TNS3: variants seen among roughly 807,000 people sequenced by gnomAD.
The protein encoded by TNS3 is tensin-3.
Under a neutral mutation model 140.9 loss-of-function variants are expected in TNS3, and 45 were observed. The ratio of observed to expected loss-of-function variants is 0.32; its 90% CI spans 0.25 to 0.41. The LOEUF is 0.41. Among genes scored for constraint, TNS3 ranks in the 10% least tolerant of loss-of-function variants. TNS3 has a pLI of 1.00. For synonymous variants in TNS3, 815 were observed against 788.4 expected (o/e 1.03, Z -0.56); for missense variants, 1,716 against 1,906.7 (o/e 0.90, Z 1.86).
At chr7:47,441,035 A>G (rs993961201) in intron 5 of TNS3, among the ~76,000 whole-genome samples, 2 of 152,130 alleles carry the variant, frequency 1.3e-5, no homozygotes, top group Non-Finnish European at 2.9e-5. Flanking sequence ...CCCAGATACT[A>G]TGTAATTTCA....
intron 20 of TNS3, among the ~76,000 whole-genome samples, chr7:47,309,319 T>C (rs1049267529): frequency 6.6e-6 from 1 of 152,138 alleles, no homozygotes; most frequent in Non-Finnish European, 1.5e-5. Flanking sequence ...AACTTATCAA[T>C]TATTCAATAA....
intron 6 of TNS3, 111 bp downstream of exon 6, chr7:47,439,376 G>A: frequency 8.1e-7 from 1 of 1,230,650 alleles, no homozygotes; most frequent in East Asian, 2.5e-5. Context: ...TGTGAGCCCA[G>A]GCCCTTGAGC....
intron 13 of TNS3, among the ~76,000 whole-genome samples, chr7:47,410,883 T>C (rs2151405519): frequency 6.6e-6 from 1 of 152,342 alleles, no homozygotes. Context: ...TTTAAATGTA[T>C]GAATTGTTTG....
intron 15 of TNS3, among the ~76,000 whole-genome samples, chr7:47,397,318 A>T (rs1379984492): frequency 6.6e-6 from 1 of 152,092 alleles, no homozygotes; most frequent in Non-Finnish European, 1.5e-5. Flanking sequence ...TACCAAGGGG[A>T]TTTTTAACAC....
At chr7:47,370,346 G>GA (rs779675063) in intron 16 of TNS3, among the ~76,000 whole-genome samples, 3 of 152,218 alleles carry the variant, frequency 2.0e-5, no homozygotes, top group Non-Finnish European at 4.4e-5. Context: ...AATGAAAAGA[G>GA]AAAGTGCAGG....
chr7:47,552,926 C>T (rs996873288), intron 1 of TNS3, among the ~76,000 whole-genome samples: 2 of 152,212 alleles, frequency 1.3e-5, no homozygotes, highest in Non-Finnish European at 2.9e-5. Flanking sequence ...AAAAGTGCTG[C>T]TCCAGTAAAC....
At chr7:47,487,309 A>AG (rs397803149) in intron 3 of TNS3, among the ~76,000 whole-genome samples, 30 of 150,952 alleles carry the variant, frequency 2.0e-4, no homozygotes, top group Non-Finnish European at 4.3e-4. Flanking sequence ...AAAAAAAAAA[A>AG]GAACTGAAGC....
At chr7:47,390,117 G>A (rs746675155) in intron 16 of TNS3, among the ~76,000 whole-genome samples, 11 of 152,228 alleles carry the variant, frequency 7.2e-5, no homozygotes, top group Non-Finnish European at 1.5e-4. Flanking sequence ...AACAAGGACC[G>A]AGGCTGCAGA....
intron 3 of TNS3, among the ~76,000 whole-genome samples, chr7:47,503,751 C>A (rs962217434): frequency 6.6e-6 from 1 of 152,088 alleles, no homozygotes; most frequent in African/African-American, 2.4e-5. Context: ...GGCTTATAAA[C>A]AACAGAAATA....
chr7:47,443,216 G>C (rs535514104), intron 4 of TNS3, among the ~76,000 whole-genome samples: 1 of 152,312 alleles, frequency 6.6e-6, no homozygotes, highest in East Asian at 1.9e-4. Context: ...AGTGAGAATA[G>C]TAACAGACAG....
chr7:47,468,500 C>G (rs931828473), intron 4 of TNS3, among the ~76,000 whole-genome samples: 2 of 152,106 alleles, frequency 1.3e-5, no homozygotes, highest in Non-Finnish European at 2.9e-5. Flanking sequence ...GTAGTTACTG[C>G]TATTTCCCGA....
At chr7:47,563,073 G>A (rs557807732) in intron 1 of TNS3, among the ~76,000 whole-genome samples, 1 of 152,294 alleles carries the variant, frequency 6.6e-6, no homozygotes. Flanking sequence ...AGCGAAGCTA[G>A]GCAAAACTCC....
intron 27 of TNS3, among the ~76,000 whole-genome samples, chr7:47,284,761 ATTCC>A (rs1453774659): frequency 2.0e-5 from 3 of 152,176 alleles, no homozygotes; most frequent in Non-Finnish European, 4.4e-5. Flanking sequence ...GGGTGTCTTA[ATTCC>A]GTGGTTAAAG....
chr7:47,356,526 A>T (rs1352456924), intron 17 of TNS3, among the ~76,000 whole-genome samples: 1 of 152,154 alleles, frequency 6.6e-6, no homozygotes, highest in Non-Finnish European at 1.5e-5. Flanking sequence ...TCCCCAGGTG[A>T]CTCCAACATG....
chr7:47,318,817 G>C (rs1403850149), intron 20 of TNS3, among the ~76,000 whole-genome samples: 2 of 152,212 alleles, frequency 1.3e-5, no homozygotes, highest in Non-Finnish European at 2.9e-5. Flanking sequence ...GATGATACCG[G>C]CGAGGGTCTA....
chr7:47,566,103 G>A (rs1800424453), intron 1 of TNS3, among the ~76,000 whole-genome samples: 1 of 152,240 alleles, frequency 6.6e-6, no homozygotes, highest in Non-Finnish European at 1.5e-5. Context: ...GTCTGACGCA[G>A]GAGGTCTGTC....
intron 1 of TNS3, chr7:47,557,107 T>G: frequency 2.2e-6 from 1 of 456,822 alleles, no homozygotes; most frequent in South Asian, 1.5e-5. Flanking sequence ...TCCTGATCTC[T>G]GCCTGGAGCA....
At chr7:47,501,785 G>A (rs1030676538) in intron 3 of TNS3, among the ~76,000 whole-genome samples, 1 of 152,128 alleles carries the variant, frequency 6.6e-6, no homozygotes, top group African/African-American at 2.4e-5. Context: ...TGGGAGTCTC[G>A]GACAAGATGC....
intron 4 of TNS3, among the ~76,000 whole-genome samples, chr7:47,471,059 G>A (rs1228037037): frequency 1.3e-5 from 2 of 152,108 alleles, no homozygotes; most frequent in Non-Finnish European, 2.9e-5. Flanking sequence ...GAAGGCCAAG[G>A]CTGCTGGGAA....
Sources: allele counts gnomAD v4.1 joint callset (sites outside exome capture counted in the v4.1 genomes callset), GRCh38; gene constraint gnomAD v4.1.1; transcripts MANE v1.5; gene names NCBI Gene and HGNC (gene_info 2026-07-23, HGNC 2026-07-21).